CCDC126: variants seen among roughly 807,000 people sequenced by gnomAD.
The protein encoded by CCDC126 is coiled-coil domain-containing protein 126.
CCDC126 carries 5 observed loss-of-function variants against 11.7 expected under a neutral mutation model. That is an observed-to-expected ratio of 0.43 (90% CI 0.22 to 0.90). The LOEUF is 0.90. Ranked by LOEUF, CCDC126 falls within the 40% of genes least tolerant of loss-of-function variation. CCDC126 has a pLI of 0.27. For synonymous variants in CCDC126, 60 were observed against 61.9 expected (o/e 0.97, Z 0.14); for missense variants, 150 against 163.1 (o/e 0.92, Z 0.44).
intron 2 of CCDC126, among the ~76,000 whole-genome samples, chr7:23,610,391 T>G (rs1470806419): frequency 6.6e-6 from 1 of 152,098 alleles, no homozygotes; most frequent in Non-Finnish European, 1.5e-5. Context: ...TTTAAAATTT[T>G]TGTATAGAGA....
At chr7:23,626,027 C>T (rs1188492468) in intron 3 of CCDC126, among the ~76,000 whole-genome samples, 5 of 125,498 alleles carry the variant, frequency 4.0e-5, no homozygotes, top group Middle Eastern at 4.3e-3. Flanking sequence ...TTTTCAGTTG[C>T]CTAATAACTG....
chr7:23,641,799 A>G (rs1319733341), intron 3 of CCDC126, among the ~76,000 whole-genome samples: 1 of 152,240 alleles, frequency 6.6e-6, no homozygotes, highest in African/African-American at 2.4e-5. Flanking sequence ...AACATTACAA[A>G]GAGGTTAGAA....
chr7:23,608,381 T>G (rs997442880), intron 2 of CCDC126, among the ~76,000 whole-genome samples: 1 of 152,244 alleles, frequency 6.6e-6, no homozygotes, highest in Non-Finnish European at 1.5e-5. Flanking sequence ...CCAAGCTTGT[T>G]CAACCTGCAA....
intron 3 of CCDC126, 54 bp from the exon 4 acceptor site, chr7:23,642,877 C>T (rs964657262): frequency 2.7e-6 from 4 of 1,491,314 alleles, no homozygotes; most frequent in East Asian, 4.5e-5. Context: ...ACTGTAAAAA[C>T]ACAAAAATGA....
chr7:23,643,851 A>G lies in CCDC126; in HGVS notation c.*736A>G, dbSNP rs1013797384. The G allele has an allele frequency of 2.6e-5, 4 of 152,184 alleles. No homozygotes were observed. Among genetic ancestry groups the G allele is most frequent in the Admixed American group, 2.6e-4 (4 of 15,280 alleles). 9.4% of individuals were successfully genotyped at this position (152,184 alleles called of 1,614,324 possible). ...CTAATCTTATACTTATTGAAGAATA[A>G]AAGATATTTTTATGATGAGAGTAAC... On this transcript the variant is annotated 3_prime_UTR_variant, in exon 4 of 4. Transcript: ENST00000307471.
intron 3 of CCDC126, among the ~76,000 whole-genome samples, chr7:23,617,330 A>G (rs1421425822): frequency 1.4e-5 from 2 of 142,068 alleles, no homozygotes; most frequent in Non-Finnish European, 3.0e-5. Context: ...TCTGGGGAAC[A>G]GAGTGAGATG....
At chr7:23,616,678 A>G (rs1449433340) in intron 3 of CCDC126, among the ~76,000 whole-genome samples, 2 of 152,040 alleles carry the variant, frequency 1.3e-5, no homozygotes, top group African/African-American at 4.8e-5. Context: ...GCTCTTCTTT[A>G]TCCTTTTTAT....
At chr7:23,636,880 G>A (rs1162280295) in intron 3 of CCDC126, among the ~76,000 whole-genome samples, 22 of 99,448 alleles carry the variant, frequency 2.2e-4, no homozygotes, top group African/African-American at 9.1e-4. Context: ...CCGGCCAGTC[G>A]CCCCGTCCAG....
intron 2 of CCDC126, among the ~76,000 whole-genome samples, chr7:23,608,546 G>A (rs1340038489): frequency 2.0e-5 from 3 of 152,242 alleles, no homozygotes; most frequent in Admixed American, 6.5e-5. Flanking sequence ...TGGTCAGAAC[G>A]ATTCTTCTTC....
chr7:23,641,846 A>T (rs1367187723), intron 3 of CCDC126, among the ~76,000 whole-genome samples: 1 of 152,224 alleles, frequency 6.6e-6, no homozygotes, highest in African/African-American at 2.4e-5. Flanking sequence ...AGGAAATTTA[A>T]GTCAGAACTA....
intron 3 of CCDC126, among the ~76,000 whole-genome samples, chr7:23,640,234 A>C (rs11979710): frequency 0.05 from 7,588 of 151,526 alleles, 578 homozygotes; most frequent in African/African-American, 0.17. Flanking sequence ...ATGGTGGCTT[A>C]TGTCTGTAAT....
intron 3 of CCDC126, among the ~76,000 whole-genome samples, chr7:23,618,599 G>A (rs981130620): frequency 2.7e-5 from 4 of 148,594 alleles, no homozygotes; most frequent in South Asian, 2.1e-4. Context: ...TGTTCAGGCC[G>A]GAGTGCAGTG....
At chr7:23,600,382 C>CT (rs1413550830) in intron 2 of CCDC126, among the ~76,000 whole-genome samples, 1 of 143,678 alleles carries the variant, frequency 7.0e-6, no homozygotes, top group African/African-American at 2.5e-5. Context: ...TAACCCCCCC[C>CT]CCCCCACCAC....
intron 3 of CCDC126, among the ~76,000 whole-genome samples, chr7:23,636,665 C>T (rs1188134024): frequency 3.4e-5 from 5 of 148,772 alleles, no homozygotes; most frequent in Non-Finnish European, 7.5e-5. Context: ...CTCCGTCCGG[C>T]AGCCATCCCG....
intron 2 of CCDC126, among the ~76,000 whole-genome samples, chr7:23,608,254 A>G (rs1209308451): frequency 1.3e-5 from 2 of 152,152 alleles, no homozygotes; most frequent in East Asian, 3.8e-4. Context: ...GTGGTCTCTT[A>G]TCAGGAAGAA....
intron 3 of CCDC126, among the ~76,000 whole-genome samples, chr7:23,639,083 A>G (rs918822290): frequency 7.2e-5 from 11 of 151,926 alleles, no homozygotes; most frequent in African/African-American, 2.7e-4. Flanking sequence ...CCCTCTCCCA[A>G]TGTTTTATTT....
Position 23,626,536 on chromosome 7 carries a change from A to G in CCDC126, c.238+14983A>G, listed in dbSNP as rs142538166. Among the ~76,000 whole-genome samples, 238 of 152,168 alleles carry G rather than the reference A, an allele frequency of 1.6e-3. 4 individuals carry two copies. The East Asian group carries it at 0.044, about 28-fold the overall frequency. ...ATATTTATTTTAGGTTTGGGGGTACATGTGAAGATTTGTTATATAGATAAA... is the reference window on the plus strand; with the variant it reads ...ATATTTATTTTAGGTTTGGGGGTACGTGTGAAGATTTGTTATATAGATAAA... On this transcript the variant is annotated intron_variant, in intron 3 of 3. Coordinates refer to ENST00000307471, the MANE Select transcript of CCDC126 (RefSeq NM_138771.4).
intron 2 of CCDC126, among the ~76,000 whole-genome samples, chr7:23,607,330 ACT>A (rs1334530981): frequency 7.9e-5 from 12 of 152,090 alleles, no homozygotes; most frequent in African/African-American, 2.4e-4. Context: ...CTGCTTAGTG[ACT>A]CTGTCCTTAT....
intron 2 of CCDC126, among the ~76,000 whole-genome samples, chr7:23,609,692 G>A (rs1403552770): frequency 1.3e-5 from 2 of 151,770 alleles, no homozygotes; most frequent in African/African-American, 4.8e-5. Flanking sequence ...CATGGCAAAA[G>A]CCCTTCTCTA....
Sources: allele counts gnomAD v4.1 joint callset (sites outside exome capture counted in the v4.1 genomes callset), GRCh38; gene constraint gnomAD v4.1.1; transcripts MANE v1.5; gene names NCBI Gene and HGNC (gene_info 2026-07-23, HGNC 2026-07-21).